Variants in ANKS1B observed in about 807,000 individuals in gnomAD.
ANKS1B encodes the protein ankyrin repeat and sterile alpha motif domain-containing protein 1B.
Under a neutral mutation model 148.3 loss-of-function variants are expected in ANKS1B, and 36 were observed. That is an observed-to-expected ratio of 0.24 (90% CI 0.19 to 0.32). The LOEUF is 0.32. Among genes scored for constraint, ANKS1B ranks in the 10% least tolerant of loss-of-function variants. The pLI is 1.00. For synonymous variants in ANKS1B, 542 were observed against 560.8 expected (o/e 0.97, Z 0.47); for missense variants, 1,157 against 1,542.6 (o/e 0.75, Z 4.19).
chr12:99,888,585 G>C (rs930558320), intron 1 of ANKS1B, among the ~76,000 whole-genome samples: 1 of 152,102 alleles, frequency 6.6e-6, no homozygotes, highest in Non-Finnish European at 1.5e-5. Context: ...GCACTGCATA[G>C]AAATATGTAG....
intron 12 of ANKS1B, among the ~76,000 whole-genome samples, chr12:99,380,519 G>A (rs2093597070): frequency 6.6e-6 from 1 of 152,108 alleles, no homozygotes; most frequent in East Asian, 1.9e-4. Flanking sequence ...AATAAAGAAG[G>A]CTAAAAAGAG....
At chr12:99,370,750 C>T (rs776414101) in intron 12 of ANKS1B, among the ~76,000 whole-genome samples, 10 of 152,116 alleles carry the variant, frequency 6.6e-5, no homozygotes, top group Non-Finnish European at 1.3e-4. Context: ...ATATCATGGT[C>T]TCATAAAATT....
chr12:99,442,802 T>C (rs1274043639), intron 11 of ANKS1B, among the ~76,000 whole-genome samples: 1 of 151,876 alleles, frequency 6.6e-6, no homozygotes, highest in Non-Finnish European at 1.5e-5. Context: ...AAAGACACAT[T>C]TTCCCTACAA....
chr12:99,504,354 G>T, intron 10 of ANKS1B, 122 bp downstream of exon 10: 2 of 979,610 alleles, frequency 2.0e-6, no homozygotes, highest in Non-Finnish European at 3.0e-6. Flanking sequence ...AATAATTATT[G>T]GAACTACATT....
chr12:99,678,586 TTGGGCTAAGTACAATCCATCCC>T (rs1361018581), intron 8 of ANKS1B, among the ~76,000 whole-genome samples: 16 of 152,286 alleles, frequency 1.1e-4, no homozygotes, highest in South Asian at 2.1e-4. Context: ...CACTGTAGTG[TTGGGCTAAGTACAATCCATCCC>T]TGGGCTAAGT....
chr12:99,147,986 A>G (rs2073740839), intron 15 of ANKS1B, among the ~76,000 whole-genome samples: 2 of 152,230 alleles, frequency 1.3e-5, no homozygotes, highest in Middle Eastern at 3.4e-3. Flanking sequence ...TTTCAGCAGA[A>G]AAGTTGAGAA....
intron 3 of ANKS1B, 69 bp downstream of exon 3, chr12:99,812,086 A>AT: frequency 6.6e-7 from 1 of 1,509,164 alleles, no homozygotes; most frequent in Non-Finnish European, 8.9e-7. Flanking sequence ...AAAAAATCAC[A>AT]TTTTCAATAT....
At chr12:99,332,160 T>C (rs960438293) in intron 12 of ANKS1B, among the ~76,000 whole-genome samples, 18 of 151,970 alleles carry the variant, frequency 1.2e-4, no homozygotes, top group Admixed American at 6.6e-4. Flanking sequence ...AGCATTGGCA[T>C]CTCCTAGGAG....
At chr12:99,193,793 C>CTTTTT (rs34024548) in intron 14 of ANKS1B, among the ~76,000 whole-genome samples, 8 of 66,840 alleles carry the variant, frequency 1.2e-4, no homozygotes, top group Non-Finnish European at 1.6e-4. Flanking sequence ...ATTTCTAGTT[C>CTTTTT]TTTTTTTTTT....
At chr12:99,167,170 A>G (rs186889870) in intron 14 of ANKS1B, among the ~76,000 whole-genome samples, 56 of 152,224 alleles carry the variant, frequency 3.7e-4, no homozygotes, top group Admixed American at 2.2e-3. Flanking sequence ...AAGAAAACTT[A>G]GAAAAAAACT....
chr12:99,083,535 T>C (rs2050580344), intron 16 of ANKS1B, among the ~76,000 whole-genome samples: 1 of 152,208 alleles, frequency 6.6e-6, no homozygotes, highest in Admixed American at 6.5e-5. Flanking sequence ...TTTTCTGCTT[T>C]ATCTCTGACT....
intron 6 of ANKS1B, among the ~76,000 whole-genome samples, chr12:99,778,433 G>A (rs565229960): frequency 4.6e-5 from 7 of 151,340 alleles, no homozygotes; most frequent in Admixed American, 1.3e-4. Flanking sequence ...ACTTGAACCC[G>A]GGAGGCGGAG....
intron 25 of ANKS1B, among the ~76,000 whole-genome samples, chr12:98,757,835 TAA>T (rs1265574311): frequency 1.3e-5 from 2 of 152,254 alleles, no homozygotes; most frequent in African/African-American, 4.8e-5. Context: ...CTTTCTAGCA[TAA>T]GTCTTTTGAG....
intron 12 of ANKS1B, among the ~76,000 whole-genome samples, chr12:99,347,373 C>T (rs1042382344): frequency 2.2e-4 from 34 of 151,922 alleles, no homozygotes; most frequent in Non-Finnish European, 1.3e-4. Context: ...CACACATGCG[C>T]AGAACAGGCC....
chr12:99,318,648 GT>G (rs1278738236), intron 12 of ANKS1B, among the ~76,000 whole-genome samples: 1 of 151,992 alleles, frequency 6.6e-6, no homozygotes, highest in South Asian at 2.1e-4. Flanking sequence ...TTTTTTGAAG[GT>G]TTTTTTATGT....
At chr12:99,619,943 C>A (rs998783013) in intron 9 of ANKS1B, among the ~76,000 whole-genome samples, 1 of 152,188 alleles carries the variant, frequency 6.6e-6, no homozygotes, top group Non-Finnish European at 1.5e-5. Flanking sequence ...GCTCAGACCA[C>A]TGTGCACTCC....
chr12:99,755,072 A>T (rs749542346), intron 8 of ANKS1B, among the ~76,000 whole-genome samples: 101 of 47,764 alleles, frequency 2.1e-3, no homozygotes, highest in South Asian at 5.3e-3. Context: ...GCTGCTTTTT[A>T]AAAAAAAAAA....
At chr12:99,971,723 T>C (rs947130778) in intron 1 of ANKS1B, among the ~76,000 whole-genome samples, 7 of 152,200 alleles carry the variant, frequency 4.6e-5, no homozygotes, top group Non-Finnish European at 1.0e-4. Flanking sequence ...ATAACCTGGA[T>C]GCTGAAGCCA....
intron 15 of ANKS1B, among the ~76,000 whole-genome samples, chr12:99,144,898 G>C (rs2072448680): frequency 6.6e-6 from 1 of 151,946 alleles, no homozygotes; most frequent in Non-Finnish European, 1.5e-5. Flanking sequence ...TGGCACTTTG[G>C]TCTCAGACTT....
Sources: gnomAD v4.1 joint callset for allele counts (sites outside exome capture counted in the v4.1 genomes callset) on GRCh38, gnomAD v4.1.1 for gene constraint, MANE v1.5 for transcripts, NCBI Gene and HGNC (gene_info 2026-07-23, HGNC 2026-07-21) for gene names.